Variants in PCDHGA6 observed in about 807,000 individuals in gnomAD.
PCDHGA6 encodes protocadherin gamma-A6.
A neutral mutation model predicts 60.6 loss-of-function variants in PCDHGA6; 41 were observed. The ratio of observed to expected loss-of-function variants is 0.68; its 90% CI spans 0.53 to 0.88. The LOEUF is 0.88. PCDHGA6 is among the 40% of genes least tolerant of loss of function. The pLI is 0.00. For missense variants in PCDHGA6, 1,312 were observed against 1,203.0 expected (o/e 1.09, Z -1.34); for synonymous variants, 594 against 524.4 (o/e 1.13, Z -1.81).
At chr5:141,423,874 A>T (rs1264795133) in intron 1 of PCDHGA6, 2 of 1,283,268 alleles carry the variant, frequency 1.6e-6, no homozygotes, top group African/African-American at 3.1e-5. Flanking sequence ...GTCATTTTTC[A>T]ATCTTGGCAT....
intron 3 of PCDHGA6, chr5:141,508,415 A>T (rs2099868684): frequency 6.6e-6 from 1 of 152,158 alleles, no homozygotes; most frequent in Non-Finnish European, 1.5e-5. Context: ...CCACGCAGAG[A>T]CTTGACCAAG....
rs140459920 is a variant in PCDHGA6, at chr5:141,386,998, C to T, written c.2424+10491C>T. ...TGTGTTTTGAGGCTATGTATTATCCCCCTGATAACTTTGAAGATGAATGTT... is the reference window on the plus strand; with the variant it reads ...TGTGTTTTGAGGCTATGTATTATCCTCCTGATAACTTTGAAGATGAATGTT... On this transcript the variant is annotated intron_variant, in intron 1 of 3. Coordinates refer to ENST00000517434, the MANE Select transcript of PCDHGA6 (RefSeq NM_018919.3). Among the ~76,000 whole-genome samples, 1,144 of 152,176 alleles carry T rather than the reference C, an allele frequency of 7.5e-3. 3 individuals are homozygous for T. The highest frequency in any genetic ancestry group is 0.012 in the Non-Finnish European group (791 of 68,006).
rs1235728365 is a variant in PCDHGA6 at position 141,485,502 on chromosome 5, C to T, written c.2425-9305C>T. ...TGCATCGTGCCCCTGGAGTTTGTCACCGAAGGTCCTTTGGAAATGTACCGA... is the reference window on the plus strand; with the variant it reads ...TGCATCGTGCCCCTGGAGTTTGTCATCGAAGGTCCTTTGGAAATGTACCGA... On this transcript the variant is annotated intron_variant, in intron 1 of 3. Transcript: ENST00000517434. This position sits in a 1 kb window ranked among gnomAD's most constrained non-coding sequence, Gnocchi z 5.7. 2 of 1,614,114 alleles carry T rather than the reference C, an allele frequency of 1.2e-6. No homozygotes were observed. Among genetic ancestry groups the T allele is most frequent in the Non-Finnish European group, 8.5e-7 (1 of 1,180,044 alleles).
At chr5:141,469,425 C>T (rs1035406646) in intron 1 of PCDHGA6, among the ~76,000 whole-genome samples, 1 of 151,622 alleles carries the variant, frequency 6.6e-6, no homozygotes, top group East Asian at 1.9e-4. Context: ...AAATATAAAA[C>T]TTAGCTGGGC....
intron 1 of PCDHGA6, among the ~76,000 whole-genome samples, chr5:141,406,607 C>T (rs1289606470): frequency 6.6e-6 from 1 of 152,202 alleles, no homozygotes; most frequent in Non-Finnish European, 1.5e-5. Flanking sequence ...AAAGTTGTCA[C>T]ATCTTTTATT....
intron 1 of PCDHGA6, chr5:141,382,741 C>G: frequency 3.4e-6 from 2 of 582,496 alleles, no homozygotes; most frequent in East Asian, 2.8e-5. Context: ...AGAGAAACGA[C>G]AGATTGCGAT....
At position 141,404,183 on chromosome 5, in the gene PCDHGA6, G is replaced by A; in HGVS notation, c.2424+27676G>A. The A allele has an allele frequency of 1.2e-6, 2 of 1,613,154 alleles. No individual in the cohort carries two copies. Among genetic ancestry groups the A allele is most frequent in the South Asian group, 1.1e-5 (1 of 90,926 alleles). On this transcript the variant is annotated intron_variant, in intron 1 of 3. Coordinates refer to ENST00000517434, the MANE Select transcript of PCDHGA6 (RefSeq NM_018919.3). Reference sequence around the variant, plus strand: ...CAGATTGTTGACGGCCCAAATTCTTGACCGAGAAAAAGCCTCAGAATATAA... The same window carrying A: ...CAGATTGTTGACGGCCCAAATTCTTAACCGAGAAAAAGCCTCAGAATATAA...
At chr5:141,392,825 A>T in intron 1 of PCDHGA6, 1 of 1,601,466 alleles carries the variant, frequency 6.2e-7, no homozygotes. Context: ...TGGCCGCTCC[A>T]CAGAGTCGCC....
At position 141,431,134 on chromosome 5, in the gene PCDHGA6, C is replaced by T; in HGVS notation, c.2424+54627C>T. 1 of 1,614,212 alleles carries T rather than the reference C, an allele frequency of 6.2e-7. No homozygotes were observed. The highest frequency in any genetic ancestry group is 2.2e-5 in the East Asian group (1 of 44,890). On this transcript the variant is annotated intron_variant, in intron 1 of 3. Coordinates refer to ENST00000517434, the MANE Select transcript of PCDHGA6 (RefSeq NM_018919.3). This position sits in a 1 kb window ranked among gnomAD's most constrained non-coding sequence, Gnocchi z 4.8. ...ATGGAGTAGAAGTAGAAGTAAGGGA[C>T]ATTAACGACAATGCGCCTTACTTTC...
chr5:141,392,416 T>C (rs576614359), intron 1 of PCDHGA6: 1 of 157,618 alleles, frequency 6.3e-6, no homozygotes, highest in African/African-American at 2.4e-5. Flanking sequence ...AAAACCTTCA[T>C]CTCACATTCT....
chr5:141,478,326 C>T, intron 1 of PCDHGA6: 1 of 1,613,950 alleles, frequency 6.2e-7, no homozygotes, highest in Admixed American at 1.7e-5. Flanking sequence ...CTGTACCGAA[C>T]ACCAGGGCCC....
chr5:141,422,842 G>A (rs756990417), intron 1 of PCDHGA6: 5 of 1,614,228 alleles, frequency 3.1e-6, no homozygotes, highest in South Asian at 1.1e-5. Flanking sequence ...ACGTGACAGC[G>A]GGGACCCGCC....
intron 1 of PCDHGA6, chr5:141,393,778 A>G (rs756686929): frequency 1.2e-5 from 20 of 1,613,954 alleles, no homozygotes; most frequent in Non-Finnish European, 1.7e-5. Flanking sequence ...ATACAAGCCG[A>G]AGATGTGGGG....
In PCDHGA6 at chr5:141,388,167, A is replaced by G. The variant is rs2091267491; in HGVS notation, c.2424+11660A>G. On this transcript the variant is annotated intron_variant, in intron 1 of 3. Coordinates refer to ENST00000517434, the MANE Select transcript of PCDHGA6 (RefSeq NM_018919.3). ...GAGCAGCAGGCTAGACAGGGAGGAG[A>G]TATGCGGGAAGAAGCCAGCTTGTGC... 4.1e-6 allele frequency: 6 copies of G among 1,478,972 alleles called. No individual in the cohort carries two copies. In the African/African-American group the frequency reaches 5.7e-5, roughly 14 times the overall value. 91.6% of individuals were successfully genotyped at this position (1,478,972 alleles called of 1,614,324 possible). A position where few individuals can be genotyped will look rare whatever the true frequency, so the allele number is the denominator to read the frequency against.
intron 1 of PCDHGA6, among the ~76,000 whole-genome samples, chr5:141,429,503 C>T (rs890656634): frequency 1.3e-5 from 2 of 151,922 alleles, no homozygotes; most frequent in Admixed American, 6.6e-5. Context: ...TTGCCTGAAA[C>T]TGTGCCTGGC....
chr5:141,384,623 T>C (rs906239388), intron 1 of PCDHGA6: 7 of 1,614,092 alleles, frequency 4.3e-6, no homozygotes, highest in African/African-American at 1.3e-5. Flanking sequence ...TCTACTGGCA[T>C]GGAGCTGGCA....
At chr5:141,483,737 G>T (rs1052778197) in intron 1 of PCDHGA6, among the ~76,000 whole-genome samples, 1 of 152,102 alleles carries the variant, frequency 6.6e-6, no homozygotes, top group Admixed American at 6.5e-5. Flanking sequence ...TAGTCAAAAG[G>T]ATATTCCTGA....
chr5:141,417,905 G>A (rs1462731893), intron 1 of PCDHGA6: 1 of 1,593,646 alleles, frequency 6.3e-7, no homozygotes, highest in Admixed American at 1.8e-5. Flanking sequence ...CCCGCGGCAG[G>A]TACTATTTCC....
chr5:141,434,906 C>A lies in PCDHGA6; in HGVS notation c.2424+58399C>A, dbSNP rs1044434492. ...AACAATCCAGTCCCCTTCCCTCATA[C>A]CTTATTTATGTACATATATTTTATA... On this transcript the variant is annotated intron_variant, in intron 1 of 3. Coordinates refer to ENST00000517434, the MANE Select transcript of PCDHGA6 (RefSeq NM_018919.3). Among the ~76,000 whole-genome samples the A allele has an allele frequency of 2.0e-5, 3 of 151,752 alleles. No individual in the cohort carries two copies. In the South Asian group the frequency reaches 6.2e-4, roughly 32 times the overall value.
Sources: gnomAD v4.1 joint callset for allele counts (sites outside exome capture counted in the v4.1 genomes callset) on GRCh38, gnomAD v4.1.1 for gene constraint, Gnocchi (gnomAD v3.1) non-coding constraint, MANE v1.5 for transcripts, NCBI Gene and HGNC (gene_info 2026-07-23, HGNC 2026-07-21) for gene names.